The following ACSS3 variants were observed in gnomAD, a reference collection of about 807,000 sequenced individuals.
ACSS3 encodes acyl-CoA synthetase short chain family member 3.
ACSS3 carries 64 observed loss-of-function variants against 84.2 expected under a neutral mutation model. The ratio of observed to expected loss-of-function variants is 0.76; its 90% CI spans 0.62 to 0.94. The LOEUF (loss-of-function observed/expected upper bound fraction) is 0.94, where lower values mean the gene tolerates loss of function less well. Ranked by LOEUF, ACSS3 falls within the 40% of genes least tolerant of loss-of-function variation. The pLI is 0.00. For synonymous variants in ACSS3, 317 were observed against 310.1 expected (o/e 1.02, Z -0.23); for missense variants, 815 against 867.6 (o/e 0.94, Z 0.76).
At chr12:81,213,171 G>A (rs2032662073) in intron 9 of ACSS3, among the ~76,000 whole-genome samples, 1 of 152,162 alleles carries the variant, frequency 6.6e-6, no homozygotes, top group Non-Finnish European at 1.5e-5. Context: ...CCCGGGTAGT[G>A]TGAAGCAGAT....
intron 5 of ACSS3, 102 bp downstream of exon 5, chr12:81,143,349 T>TAACTCTCTAAAC: frequency 1.6e-6 from 2 of 1,248,576 alleles, no homozygotes; most frequent in Non-Finnish European, 2.1e-6. Context: ...TACTTTGAAG[T>TAACTCTCTAAAC]TTAGAGAGTT....
At chr12:81,239,046 GTTATA>G (rs1273232939) in intron 13 of ACSS3, among the ~76,000 whole-genome samples, 3 of 151,480 alleles carry the variant, frequency 2.0e-5, no homozygotes, top group Admixed American at 6.6e-5. Context: ...AAATATTGAT[GTTATA>G]TTATAATTTT....
At chr12:81,095,037 A>C (rs1313748820) in intron 1 of ACSS3, among the ~76,000 whole-genome samples, 1 of 152,098 alleles carries the variant, frequency 6.6e-6, no homozygotes, top group Non-Finnish European at 1.5e-5. Flanking sequence ...TTTTTCCAAC[A>C]AATACTAGCT....
At chr12:81,199,704 T>C in intron 9 of ACSS3, 1 of 1,376,828 alleles carries the variant, frequency 7.3e-7, no homozygotes, top group South Asian at 1.2e-5. Flanking sequence ...CTTTGTTTCT[T>C]ATATCTGGTA....
intron 2 of ACSS3, among the ~76,000 whole-genome samples, chr12:81,119,283 G>C (rs2121529269): frequency 6.6e-6 from 1 of 152,150 alleles, no homozygotes; most frequent in African/African-American, 2.4e-5. Flanking sequence ...AGATCACAAG[G>C]CAAAGGGCAA....
At chr12:81,135,335 A>T (rs1885735341) in intron 3 of ACSS3, among the ~76,000 whole-genome samples, 1 of 142,702 alleles carries the variant, frequency 7.0e-6, no homozygotes, top group Non-Finnish European at 1.5e-5. Flanking sequence ...TATATATTAT[A>T]ATATATTATA....
At position 81,082,425 on chromosome 12, in the gene ACSS3, G is replaced by A. The variant is rs1030192981; in HGVS notation, c.311+3994G>A. On this transcript the variant is annotated intron_variant, in intron 1 of 15. Transcript: ENST00000548058. ...CTTCTTTAGAAGGATCATGAGAGGGGTCTAGAGGAAATGATGTTTAAACTG... is the reference window on the plus strand; with the variant it reads ...CTTCTTTAGAAGGATCATGAGAGGGATCTAGAGGAAATGATGTTTAAACTG... 5.3e-5 allele frequency among the ~76,000 whole-genome samples: 8 copies of A among 152,298 alleles called. No individual in the cohort carries two copies. The East Asian group carries it at 1.5e-3, about 29-fold the overall frequency.
chr12:81,110,495 G>T (rs1184000584), intron 2 of ACSS3, among the ~76,000 whole-genome samples: 1 of 152,156 alleles, frequency 6.6e-6, no homozygotes, highest in African/African-American at 2.4e-5. Flanking sequence ...AAAAGTATTT[G>T]GGAATTGTGG....
chr12:81,198,143 T>G (rs2031923735), intron 8 of ACSS3, among the ~76,000 whole-genome samples: 1 of 152,186 alleles, frequency 6.6e-6, no homozygotes, highest in African/African-American at 2.4e-5. Flanking sequence ...CTTAGAAGAA[T>G]AAGTCAAACT....
intron 7 of ACSS3, among the ~76,000 whole-genome samples, chr12:81,152,780 C>A (rs1488723019): frequency 1.3e-5 from 2 of 151,876 alleles, no homozygotes; most frequent in Non-Finnish European, 2.9e-5. Flanking sequence ...TTCAAAATGG[C>A]CTTGGACTTT....
intron 13 of ACSS3, among the ~76,000 whole-genome samples, chr12:81,237,269 T>C (rs957398754): frequency 6.6e-6 from 1 of 151,514 alleles, no homozygotes; most frequent in African/African-American, 2.4e-5. Flanking sequence ...CATTTGGCCT[T>C]GACAGATAAA....
intron 2 of ACSS3, among the ~76,000 whole-genome samples, chr12:81,121,819 T>C (rs186416268): frequency 7.1e-4 from 108 of 152,262 alleles, no homozygotes; most frequent in Non-Finnish European, 6.3e-4. Flanking sequence ...GATTATACAA[T>C]GTGCCATAAC....
chr12:81,103,777 C>A (rs1186565442), intron 1 of ACSS3, among the ~76,000 whole-genome samples: 4 of 151,950 alleles, frequency 2.6e-5, no homozygotes, highest in Admixed American at 6.6e-5. Flanking sequence ...TCTAAAGTTG[C>A]CAACAATTGA....
intron 9 of ACSS3, among the ~76,000 whole-genome samples, chr12:81,201,681 A>G (rs998339852): frequency 6.6e-6 from 1 of 152,184 alleles, no homozygotes; most frequent in Non-Finnish European, 1.5e-5. Context: ...GTTAATTGCC[A>G]TGGAAAACAT....
At chr12:81,140,303 T>C (rs967690165) in intron 4 of ACSS3, among the ~76,000 whole-genome samples, 1 of 152,230 alleles carries the variant, frequency 6.6e-6, no homozygotes, top group South Asian at 2.1e-4. Flanking sequence ...ACTTTTCCTG[T>C]AACTTTGAAC....
chr12:81,077,873 G>A (rs909960265), upstream of ACSS3: 7 of 457,334 alleles, frequency 1.5e-5, no homozygotes, highest in African/African-American at 1.2e-4. Flanking sequence ...TGGATCTCGT[G>A]CAGCAGCGCA....
chr12:81,237,091 TAGCCCCAGG>T (rs2033655403), intron 13 of ACSS3, among the ~76,000 whole-genome samples: 1 of 151,466 alleles, frequency 6.6e-6, no homozygotes, highest in African/African-American at 2.4e-5. Flanking sequence ...ATAAGTAAAA[TAGCCCCAGG>T]AGCCAGACCG....
chr12:81,175,511 C>T (rs2030406261), intron 8 of ACSS3, among the ~76,000 whole-genome samples: 1 of 152,050 alleles, frequency 6.6e-6, no homozygotes, highest in African/African-American at 2.4e-5. Flanking sequence ...ATCAAATGGA[C>T]CTGACAGACA....
At chr12:81,195,054 A>T (rs1201526410) in intron 8 of ACSS3, among the ~76,000 whole-genome samples, 1 of 152,002 alleles carries the variant, frequency 6.6e-6, no homozygotes, top group Non-Finnish European at 1.5e-5. Flanking sequence ...AACCATCTAG[A>T]TTTCTTTAAA....
Sources: allele counts gnomAD v4.1 joint callset (sites outside exome capture counted in the v4.1 genomes callset), GRCh38; gene constraint gnomAD v4.1.1; transcripts MANE v1.5; gene names NCBI Gene and HGNC (gene_info 2026-07-23, HGNC 2026-07-21).